The following HSPH1 variants were observed in gnomAD, a reference collection of about 807,000 sequenced individuals.
HSPH1 encodes the protein heat shock protein family H (Hsp110) member 1.
Under a neutral mutation model 100.0 loss-of-function variants are expected in HSPH1, and 40 were observed. The ratio of observed to expected loss-of-function variants is 0.40; its 90% CI spans 0.31 to 0.52. The LOEUF is 0.52. Among genes scored for constraint, HSPH1 ranks in the 20% least tolerant of loss-of-function variants. The probability of loss-of-function intolerance (pLI) is 0.54; values close to 1 mark genes in which losing one functional copy is unlikely to be tolerated. For synonymous variants in HSPH1, 403 were observed against 344.0 expected, an observed-to-expected ratio of 1.17 and a Z score of -1.90; for missense variants, 876 against 1,015.1, an observed-to-expected ratio of 0.86 and a Z score of 1.86.
In HSPH1 at chr13:31,148,355, G is replaced by A. The variant is rs773622090; in HGVS notation, c.1244+19C>T. On this transcript the variant is annotated intron_variant, in intron 9 of 17. Transcript: ENST00000320027. ...CTTCTTTACATTATAGTATCTGAATGTTATTTTCTGCTACATACCCTTCAG... is the reference window on the plus strand; with the variant it reads ...CTTCTTTACATTATAGTATCTGAATATTATTTTCTGCTACATACCCTTCAG... 1.5e-6 allele frequency: 2 copies of A among 1,378,444 alleles called. No individual in the cohort carries two copies. Among genetic ancestry groups the A allele is most frequent in the South Asian group, 2.4e-5 (2 of 83,028 alleles). The allele number at this position is 1,378,444 out of a possible 1,614,324, so 85.4% of individuals were successfully genotyped here.
chr13:31,151,850 T>A, intron 5 of HSPH1, 108 bp from the exon 6 acceptor site: 1 of 898,596 alleles, frequency 1.1e-6, no homozygotes. Flanking sequence ...TTGAAACAAT[T>A]AAAGGTGAAC....
In HSPH1 at chr13:31,137,340, G is replaced by T. The variant is rs771770114; in HGVS notation, c.2555C>A (p.Ser852Tyr). 10 of 1,610,074 alleles carry T rather than the reference G, an allele frequency of 6.2e-6. No homozygotes were observed. The highest frequency in any genetic ancestry group is 4.2e-6 in the Non-Finnish European group (5 of 1,177,606). Residue 852 changes from serine (S) to tyrosine (Y), a missense_variant, in exon 18 of 18, where the codon TCT becomes TAT. Ser to Tyr is a moderately radical substitution (Grantham distance 144). Transcript: ENST00000320027. ...TATCTAGTCCAAGTCCATATTAACA[G>T]AATTTTTCTCATTAGGGTAACATTC... ...NGECYPNEKN[S>Y]VNMDLD
chr13:31,150,781 G>A (rs935566521), intron 7 of HSPH1, among the ~76,000 whole-genome samples, 166 bp downstream of exon 7: 1 of 152,110 alleles, frequency 6.6e-6, no homozygotes, highest in Non-Finnish European at 1.5e-5. Context: ...CTTCACATAA[G>A]TGCCCCTAGA....
In HSPH1 at chr13:31,138,493, T is replaced by C. The variant is rs1483684296; in HGVS notation, c.2284A>G (p.Met762Val). 8 of 1,612,904 alleles carry C rather than the reference T, an allele frequency of 5.0e-6. No individual in the cohort carries two copies. Among genetic ancestry groups the C allele is most frequent in the Non-Finnish European group, 6.8e-6 (8 of 1,179,124 alleles). The change falls in exon 17 of 18, where the codon ATG becomes GTG. Residue 762 changes from methionine (M) to valine (V), a missense_variant. Transcript: ENST00000320027. ...GCCTGAGCATTCATGACATTATTCA[T>C]CCATTCCATCACTTCATTAACAGAC... ...EKSVNEVMEW[M>V]NNVMNAQAKK...
At position 31,158,770 on chromosome 13, in the gene HSPH1, C is replaced by T. The variant is rs1287910435; in HGVS notation, c.165+36G>A. ...AGATTTTCCTTTTAAAAACTCCCCC[C>T]TTAAAAAGTGATCCGAATTCTCTTA... On this transcript the variant is annotated intron_variant, in intron 2 of 17. Transcript: ENST00000320027. 5.6e-6 allele frequency: 8 copies of T among 1,423,898 alleles called. No homozygotes were observed. The Admixed American group carries it at 1.3e-4, about 24-fold the overall frequency. 88.2% of individuals were successfully genotyped at this position (1,423,898 alleles called of 1,614,324 possible). A position where few individuals can be genotyped will look rare whatever the true frequency, so the allele number is the denominator to read the frequency against.
intron 2 of HSPH1, among the ~76,000 whole-genome samples, chr13:31,156,467 G>T (rs1202607837): frequency 6.6e-6 from 1 of 152,132 alleles, no homozygotes; most frequent in Non-Finnish European, 1.5e-5. Flanking sequence ...GAGAGGCTGA[G>T]GCAGGAGAAT....
chr13:31,149,926 C>A (rs1168752639), intron 8 of HSPH1, 28 bp downstream of exon 8: 3 of 1,572,710 alleles, frequency 1.9e-6, no homozygotes, highest in Non-Finnish European at 2.6e-6. Flanking sequence ...AGACTGTACA[C>A]CAAGCAAAAG....
chr13:31,161,665 G>A lies in HSPH1; in HGVS notation c.-83C>T, dbSNP rs190942137. 320 of 1,576,930 alleles carry A rather than the reference G, an allele frequency of 2.0e-4. No homozygotes were observed. In the African/African-American group the frequency reaches 3.8e-3, roughly 19 times the overall value. On this transcript the variant is annotated 5_prime_UTR_variant, in exon 1 of 18. Coordinates refer to ENST00000320027, the MANE Select transcript of HSPH1 (RefSeq NM_006644.4). ...CCTGCTTCTCCTGCCGCCGCTTTCT[G>A]CCCTGGCCGCGTTCTGCTCCGGCCC...
At chr13:31,146,372 G>T (rs1196425462) in intron 10 of HSPH1, among the ~76,000 whole-genome samples, 1 of 151,982 alleles carries the variant, frequency 6.6e-6, no homozygotes, top group African/African-American at 2.4e-5. Flanking sequence ...TTTAACACTA[G>T]GCAAACACTG....
Position 31,154,664 on chromosome 13 carries a change from A to G in HSPH1, c.398T>C (p.Leu133Pro). The change falls in exon 4 of 18, where the codon CTC (leucine) becomes CCC (proline). Residue 133 changes from leucine (L) to proline (P), a missense_variant. Leu to Pro is a moderately conservative substitution (Grantham distance 98). Coordinates refer to ENST00000320027, the MANE Select transcript of HSPH1 (RefSeq NM_006644.4). ...AACACAATCTGTTACTGGTTTCTTG[A>G]GGCTGTTTTCAGCAGTTTCCTTCAG... The part of the protein sequence containing the change: ...TKLKETAENS[L>P]KKPVTDCVIS... 2 of 1,614,092 alleles carry G rather than the reference A, an allele frequency of 1.2e-6. No homozygotes were observed.
intron 14 of HSPH1, among the ~76,000 whole-genome samples, chr13:31,139,508 C>T (rs906239296): frequency 6.6e-6 from 1 of 152,000 alleles, no homozygotes; most frequent in Non-Finnish European, 1.5e-5. Context: ...GAGGTCCTAC[C>T]TGGTTCGGTC....
Position 31,150,966 on chromosome 13 carries a change from C to T in HSPH1, c.889G>A (p.Val297Ile), listed in dbSNP as rs1275386580. The part of the protein sequence containing the change: ...NIECFMNDKD[V>I]SGKMNRSQFE... ...ACACACCTGTTCATCTTTCCGGAAA[C>T]ATCTTTATCATTCATAAAGCATTCG... is the stretch of plus-strand genomic sequence containing the variant. The change falls in exon 7 of 18, where the codon GTT becomes ATT. Residue 297 changes from valine to isoleucine, a missense_variant. Transcript: ENST00000320027. 6.2e-7 allele frequency: 1 copy of T among 1,610,810 alleles called. No homozygotes were observed. Among genetic ancestry groups the T allele is most frequent in the Non-Finnish European group, 8.5e-7 (1 of 1,178,778 alleles).
At chr13:31,162,218 T>C (rs955555083), upstream of HSPH1, 19 of 877,264 alleles carry the variant, frequency 2.2e-5, 1 homozygote, top group Admixed American at 3.6e-4. Flanking sequence ...AAACTCGGAA[T>C]AGTCACAATT....
chr13:31,139,011 C>T lies in HSPH1; in HGVS notation c.2077G>A (p.Glu693Lys), dbSNP rs1479722999. Reference sequence around the variant, plus strand: ...AGAAAACGACCTACCATTAATTCTTCCAACTTGTCAACATATGCTTGTTTA... The same window carrying T: ...AGAAAACGACCTACCATTAATTCTTTCAACTTGTCAACATATGCTTGTTTA... ...QAKQAYVDKL[E>K]ELMKIGTPVK... The change falls in exon 15 of 18, where the codon GAA becomes AAA. Residue 693 changes from glutamate to lysine, a missense_variant. Physicochemically the swap from Glu to Lys is moderately conservative, Grantham distance 56. Transcript: ENST00000320027. The T allele has an allele frequency of 2.5e-6, 4 of 1,611,072 alleles. No homozygotes were observed. The highest frequency in any genetic ancestry group is 2.7e-5 in the African/African-American group (2 of 74,952).
intron 12 of HSPH1, among the ~76,000 whole-genome samples, chr13:31,142,392 C>G (rs1956128108): frequency 6.6e-6 from 1 of 152,084 alleles, no homozygotes; most frequent in Non-Finnish European, 1.5e-5. Flanking sequence ...GCTAGGCAGT[C>G]AGCCTACAGT....
At position 31,138,919 on chromosome 13, in the gene HSPH1, A is replaced by C. The variant is rs1160775254; in HGVS notation, c.2089-19T>G. ...CAATTTTCTAAAATAAAATGTAATA[A>C]ATTAATAGTTATCATAATTTTATTT... On this transcript the variant is annotated intron_variant, in intron 15 of 17. Transcript: ENST00000320027. 19 of 1,581,606 alleles carry C rather than the reference A, an allele frequency of 1.2e-5. No individual in the cohort carries two copies. The highest frequency in any genetic ancestry group is 9.2e-5 in the East Asian group (4 of 43,356).
At chr13:31,149,774 T>C (rs745695601) in intron 8 of HSPH1, among the ~76,000 whole-genome samples, 180 bp downstream of exon 8, 7 of 152,182 alleles carry the variant, frequency 4.6e-5, no homozygotes, top group Non-Finnish European at 7.4e-5. Flanking sequence ...GTTCTTTCAA[T>C]TGAAATTTAC....
In HSPH1 at chr13:31,135,828, C is replaced by T. The variant is rs1955869422; in HGVS notation, c.*1490G>A. On this transcript the variant is annotated 3_prime_UTR_variant, in exon 18 of 18. Coordinates refer to ENST00000320027, the MANE Select transcript of HSPH1 (RefSeq NM_006644.4). ...CTAAATAGTACTTATAATAAATTGG[C>T]TATAGTTCTAAGATTAATCCCTTGT... The T allele has an allele frequency of 6.6e-6, 1 of 152,102 alleles. No individual in the cohort carries two copies. Among genetic ancestry groups the T allele is most frequent in the African/African-American group, 2.4e-5 (1 of 41,400 alleles). 9.4% of individuals were successfully genotyped at this position (152,102 alleles called of 1,614,324 possible).
chr13:31,161,301 A>T (rs1292906915), intron 1 of HSPH1, among the ~76,000 whole-genome samples, 175 bp downstream of exon 1: 1 of 152,020 alleles, frequency 6.6e-6, no homozygotes, highest in Non-Finnish European at 1.5e-5. Flanking sequence ...TTGTGATGGC[A>T]AGCCCCCCAT....
Sources: allele counts gnomAD v4.1 joint callset (sites outside exome capture counted in the v4.1 genomes callset), GRCh38; gene constraint gnomAD v4.1.1; transcripts MANE v1.5; gene names NCBI Gene and HGNC (gene_info 2026-07-23, HGNC 2026-07-21).